The following LRP1B variants were observed in gnomAD, a reference collection of about 807,000 sequenced individuals.
The protein encoded by LRP1B is LDL receptor related protein 1B, also known as low-density lipoprotein receptor-related protein 1B.
In LRP1B, 217 loss-of-function variants were observed where a neutral mutation model predicts 556.6. That is an observed-to-expected ratio of 0.39 (90% confidence interval 0.35 to 0.44). The LOEUF is 0.44. LRP1B is among the 20% of genes least tolerant of loss of function. The probability of loss-of-function intolerance (pLI) is 1.00; values close to 1 mark genes in which losing one functional copy is unlikely to be tolerated. For missense variants in LRP1B, 5,053 were observed against 5,620.8 expected (o/e 0.90, Z 3.23); for synonymous variants, 2,047 against 1,865.8 (o/e 1.10, Z -2.50).
intron 1 of LRP1B, among the ~76,000 whole-genome samples, chr2:142,020,528 C>T (rs1209302080): frequency 6.6e-6 from 1 of 152,030 alleles, no homozygotes; most frequent in African/African-American, 2.4e-5. Context: ...AAACAGTGAC[C>T]ACGAAAGGAA....
At chr2:141,002,430 ATCCAGGGGGGATTGAT>A (rs1434405527) in intron 15 of LRP1B, among the ~76,000 whole-genome samples, 1 of 152,046 alleles carries the variant, frequency 6.6e-6, no homozygotes, top group Admixed American at 6.6e-5. Context: ...ATCCCTCGAT[ATCCAGGGGGGATTGAT>A]TCCAGGATCC....
chr2:141,430,863 C>T (rs1680534646), intron 3 of LRP1B, among the ~76,000 whole-genome samples: 1 of 151,998 alleles, frequency 6.6e-6, no homozygotes, highest in Non-Finnish European at 1.5e-5. Context: ...GGTGTGACGG[C>T]TCATGCCTGT....
chr2:141,223,011 A>G (rs1683105800), intron 6 of LRP1B, among the ~76,000 whole-genome samples: 1 of 152,160 alleles, frequency 6.6e-6, no homozygotes, highest in South Asian at 2.1e-4. Context: ...ACTCCTATTC[A>G]ACATAGAATT....
intron 43 of LRP1B, among the ~76,000 whole-genome samples, chr2:140,577,122 C>T (rs1681557535): frequency 6.6e-6 from 1 of 152,048 alleles, no homozygotes; most frequent in African/African-American, 2.4e-5. Context: ...AAAGATTTGC[C>T]ACTGGAAGAT....
chr2:140,497,800 T>C (rs1300373462), intron 55 of LRP1B, among the ~76,000 whole-genome samples: 1 of 151,912 alleles, frequency 6.6e-6, no homozygotes, highest in Non-Finnish European at 1.5e-5. Context: ...AAGTACTATA[T>C]GAAATAGATG....
chr2:140,714,265 A>G (rs1687135208), intron 37 of LRP1B, among the ~76,000 whole-genome samples: 1 of 152,142 alleles, frequency 6.6e-6, no homozygotes, highest in Non-Finnish European at 1.5e-5. Context: ...GACATGTCCT[A>G]GCTCACAGTG....
At chr2:142,106,144 A>C (rs1177935609) in intron 1 of LRP1B, among the ~76,000 whole-genome samples, 1 of 152,180 alleles carries the variant, frequency 6.6e-6, no homozygotes, top group Non-Finnish European at 1.5e-5. Context: ...TTTATTTAGT[A>C]TATCTGTAAG....
chr2:140,591,008 CACTT>C (rs978908971), intron 43 of LRP1B, among the ~76,000 whole-genome samples: 29 of 152,192 alleles, frequency 1.9e-4, no homozygotes, highest in African/African-American at 5.8e-4. Flanking sequence ...TCTATTTAGT[CACTT>C]ACTGTTCTAA....
chr2:140,868,939 TG>T (rs1693039329), intron 25 of LRP1B, among the ~76,000 whole-genome samples: 1 of 152,056 alleles, frequency 6.6e-6, no homozygotes, highest in African/African-American at 2.4e-5. Flanking sequence ...CCGGTAAAAC[TG>T]AACCTTCAAG....
At chr2:141,127,995 T>G (rs1701258629) in intron 7 of LRP1B, among the ~76,000 whole-genome samples, 1 of 152,176 alleles carries the variant, frequency 6.6e-6, no homozygotes, top group South Asian at 2.1e-4. Flanking sequence ...TTTAAATTAT[T>G]TATTATTTTT....
At chr2:141,125,956 T>G (rs1167412939) in intron 7 of LRP1B, among the ~76,000 whole-genome samples, 1 of 151,878 alleles carries the variant, frequency 6.6e-6, no homozygotes, top group Non-Finnish European at 1.5e-5. Context: ...TCAGCTCTTC[T>G]GCTTTCCCTT....
chr2:140,967,001 C>G (rs986061624), intron 18 of LRP1B, among the ~76,000 whole-genome samples: 3 of 152,078 alleles, frequency 2.0e-5, no homozygotes, highest in South Asian at 2.1e-4. Context: ...TGTTCTTTTG[C>G]CTTAGGATTG....
intron 66 of LRP1B, among the ~76,000 whole-genome samples, chr2:140,418,963 T>C (rs1293851829): frequency 6.6e-6 from 1 of 152,142 alleles, no homozygotes; most frequent in Non-Finnish European, 1.5e-5. Flanking sequence ...GATAAATCTC[T>C]GGATTTTAAA....
chr2:142,129,684 T>C (rs181642380), intron 1 of LRP1B, among the ~76,000 whole-genome samples: 110 of 151,334 alleles, frequency 7.3e-4, no homozygotes, highest in Non-Finnish European at 1.0e-4. Flanking sequence ...CATTTTCTGA[T>C]TTTAAAAAAA....
chr2:142,050,441 T>C (rs545320055), intron 1 of LRP1B, among the ~76,000 whole-genome samples: 78 of 152,234 alleles, frequency 5.1e-4, no homozygotes, highest in Non-Finnish European at 8.1e-4. Flanking sequence ...CATTATACAA[T>C]AAATGTTCTT....
intron 2 of LRP1B, among the ~76,000 whole-genome samples, chr2:141,521,833 A>T (rs1364523837): frequency 1.3e-5 from 2 of 152,106 alleles, no homozygotes; most frequent in African/African-American, 2.4e-5. Flanking sequence ...TAAGTCCAGG[A>T]ATAGTGATTT....
intron 2 of LRP1B, among the ~76,000 whole-genome samples, chr2:141,706,153 C>T (rs1454935213): frequency 6.6e-6 from 1 of 151,974 alleles, no homozygotes; most frequent in East Asian, 1.9e-4. Context: ...TGCTTCCCTC[C>T]AATGCAATCT....
chr2:141,174,993 C>A (rs570328268), intron 7 of LRP1B, among the ~76,000 whole-genome samples: 19 of 152,228 alleles, frequency 1.2e-4, no homozygotes, highest in African/African-American at 4.6e-4. Context: ...AAGAGACTGG[C>A]AGCATTTTGG....
At chr2:141,814,127 T>C (rs981170438) in intron 1 of LRP1B, among the ~76,000 whole-genome samples, 3 of 152,136 alleles carry the variant, frequency 2.0e-5, no homozygotes, top group African/African-American at 7.2e-5. Context: ...GATAGGTATA[T>C]GTAAAACAGA....
Sources: allele counts gnomAD v4.1 joint callset (sites outside exome capture counted in the v4.1 genomes callset), GRCh38; gene constraint gnomAD v4.1.1; transcripts MANE v1.5; gene names NCBI Gene and HGNC (gene_info 2026-07-23, HGNC 2026-07-21).